STK38L: variants seen among roughly 807,000 people sequenced by gnomAD.
STK38L encodes the protein serine/threonine-protein kinase 38-like.
Under a neutral mutation model 59.7 loss-of-function variants are expected in STK38L, and 28 were observed. The observed-to-expected ratio is 0.47, with a 90% confidence interval of 0.35 to 0.64. STK38L has a LOEUF of 0.64. STK38L is among the 30% of genes least tolerant of loss of function. STK38L has a pLI of 0.01. For missense variants in STK38L, 314 were observed against 555.8 expected (o/e 0.56, Z 4.37); for synonymous variants, 162 against 176.8 (o/e 0.92, Z 0.66).
At chr12:27,255,574 G>A (rs1189715990) in intron 1 of STK38L, among the ~76,000 whole-genome samples, 1 of 152,132 alleles carries the variant, frequency 6.6e-6, no homozygotes, top group East Asian at 1.9e-4. Flanking sequence ...TGAATTCCCT[G>A]TACATCATCT....
intron 1 of STK38L, among the ~76,000 whole-genome samples, chr12:27,295,184 G>C (rs1168688873): frequency 6.6e-6 from 1 of 152,144 alleles, no homozygotes; most frequent in African/African-American, 2.4e-5. Flanking sequence ...AAAAAATAAT[G>C]CTCATTATTA....
intron 1 of STK38L, among the ~76,000 whole-genome samples, chr12:27,277,392 CCACACACA>C (rs58648742): frequency 7.5e-4 from 111 of 148,280 alleles, no homozygotes; most frequent in African/African-American, 7.2e-4. Flanking sequence ...CTGGAAGGAA[CCACACACA>C]CACACACACA....
chr12:27,309,792 A>G (rs974161347), intron 5 of STK38L, among the ~76,000 whole-genome samples: 8 of 152,348 alleles, frequency 5.3e-5, no homozygotes, highest in East Asian at 1.9e-4. Flanking sequence ...TCTGACTACA[A>G]TGAAAATAAA....
chr12:27,308,487 C>G lies in STK38L; in HGVS notation c.309+26C>G. The G allele has an allele frequency of 6.5e-7, 1 of 1,540,758 alleles. No individual in the cohort carries two copies. The highest frequency in any genetic ancestry group is 8.7e-7 in the Non-Finnish European group (1 of 1,147,134). ...GTGTGCTTCTTTTTAAAAGTCACTA[C>G]TGCTGCAAATATATATCTTAAGATA... On this transcript the variant is annotated intron_variant, in intron 4 of 13. Coordinates refer to ENST00000389032, the MANE Select transcript of STK38L (RefSeq NM_015000.4). This position sits in a 1 kb window ranked among gnomAD's most constrained non-coding sequence, Gnocchi z 4.5.
chr12:27,247,533 A>G (rs1942880689), intron 1 of STK38L, among the ~76,000 whole-genome samples: 1 of 152,234 alleles, frequency 6.6e-6, no homozygotes, highest in Non-Finnish European at 1.5e-5. Flanking sequence ...TTCTTGGTGC[A>G]GATTAAATAT....
chr12:27,298,040 C>A, intron 2 of STK38L, 186 bp downstream of exon 2: 2 of 655,028 alleles, frequency 3.1e-6, no homozygotes, highest in Non-Finnish European at 4.9e-6. Context: ...CCTGAGGTGC[C>A]CCAAGTCTTG....
chr12:27,252,273 C>G (rs1942992105), intron 1 of STK38L, among the ~76,000 whole-genome samples: 1 of 152,138 alleles, frequency 6.6e-6, no homozygotes, highest in Non-Finnish European at 1.5e-5. Context: ...GCCACCATGC[C>G]CGGCCTACAA....
At chr12:27,260,645 C>T (rs1943186412) in intron 1 of STK38L, among the ~76,000 whole-genome samples, 1 of 152,154 alleles carries the variant, frequency 6.6e-6, no homozygotes, top group Non-Finnish European at 1.5e-5. Context: ...TGGTACTCTC[C>T]TCCCTTCAGA....
At chr12:27,317,653 C>T in intron 10 of STK38L, 200 bp downstream of exon 10, 1 of 704,594 alleles carries the variant, frequency 1.4e-6, no homozygotes, top group Non-Finnish European at 2.3e-6. Context: ...GTATTTAACC[C>T]AAACTCCCAC....
At chr12:27,294,815 G>A (rs1219273454) in intron 1 of STK38L, among the ~76,000 whole-genome samples, 1 of 149,798 alleles carries the variant, frequency 6.7e-6, no homozygotes, top group African/African-American at 2.5e-5. Flanking sequence ...GGTTCAAGCA[G>A]TCTTCCTGCC....
At chr12:27,255,098 A>G (rs984488111) in intron 1 of STK38L, among the ~76,000 whole-genome samples, 1 of 152,246 alleles carries the variant, frequency 6.6e-6, no homozygotes, top group African/African-American at 2.4e-5. Context: ...TTATAAGCAC[A>G]TTTCTGAAAT....
At chr12:27,252,975 A>T (rs1460692739) in intron 1 of STK38L, among the ~76,000 whole-genome samples, 1 of 152,230 alleles carries the variant, frequency 6.6e-6, no homozygotes, top group South Asian at 2.1e-4. Flanking sequence ...AATGACTGTA[A>T]TTCAAACAGA....
intron 1 of STK38L, among the ~76,000 whole-genome samples, chr12:27,288,068 G>A (rs1442185664): frequency 6.6e-6 from 1 of 152,060 alleles, no homozygotes; most frequent in Non-Finnish European, 1.5e-5. Flanking sequence ...TTTTAGTAGA[G>A]ATGAGTTTTC....
intron 13 of STK38L, 27 bp from the exon 14 acceptor site, chr12:27,322,301 A>G (rs749655397): frequency 9.9e-6 from 16 of 1,613,070 alleles, no homozygotes; most frequent in Non-Finnish European, 1.4e-5. Flanking sequence ...TTCACTAATG[A>G]AATTCCTTTA....
At chr12:27,321,393 T>G (rs530915752) in intron 12 of STK38L, among the ~76,000 whole-genome samples, 10 of 152,270 alleles carry the variant, frequency 6.6e-5, no homozygotes, top group African/African-American at 1.9e-4. Flanking sequence ...ATGACAGAAG[T>G]TTTTGCATGC....
chr12:27,253,169 G>C (rs1943014251), intron 1 of STK38L, among the ~76,000 whole-genome samples: 1 of 152,196 alleles, frequency 6.6e-6, no homozygotes, highest in South Asian at 2.1e-4. Flanking sequence ...GGTAAGTTCT[G>C]TTAATTATCT....
At chr12:27,268,303 G>A (rs1943343619) in intron 1 of STK38L, among the ~76,000 whole-genome samples, 1 of 150,552 alleles carries the variant, frequency 6.6e-6, no homozygotes, top group South Asian at 2.1e-4. Context: ...AGTGTGTGAT[G>A]TTCCCCGTCC....
chr12:27,253,068 A>G (rs1015930428), intron 1 of STK38L, among the ~76,000 whole-genome samples: 2 of 152,216 alleles, frequency 1.3e-5, no homozygotes, highest in African/African-American at 2.4e-5. Flanking sequence ...AAAGCTTCCT[A>G]TATGAAGTGA....
chr12:27,250,754 A>G (rs543830639), intron 1 of STK38L, among the ~76,000 whole-genome samples: 1 of 152,150 alleles, frequency 6.6e-6, no homozygotes, highest in Non-Finnish European at 1.5e-5. Flanking sequence ...TAATCCCAGC[A>G]CTTTGGGAGG....
Sources: gnomAD v4.1 joint callset for allele counts (sites outside exome capture counted in the v4.1 genomes callset) on GRCh38, gnomAD v4.1.1 for gene constraint, Gnocchi (gnomAD v3.1) non-coding constraint, MANE v1.5 for transcripts, NCBI Gene and HGNC (gene_info 2026-07-23, HGNC 2026-07-21) for gene names.